Variants in PKIB observed in about 807,000 individuals in gnomAD.
PKIB encodes the protein PKI-beta.
A neutral mutation model predicts 4.5 loss-of-function variants in PKIB; 2 were observed. The observed-to-expected ratio is 0.44, with a 90% CI of 0.18 to 1.39. The LOEUF (loss-of-function observed/expected upper bound fraction) is 1.39. PKIB is among the 40% of genes most tolerant of loss of function. The pLI is 0.27. For missense variants in PKIB, 94 were observed against 92.6 expected (o/e 1.02, Z -0.06); for synonymous variants, 38 against 36.0 (o/e 1.06, Z -0.20).
intron 2 of PKIB, among the ~76,000 whole-genome samples, chr6:122,512,795 A>C (rs1311443032): frequency 6.6e-6 from 1 of 152,250 alleles, no homozygotes; most frequent in African/African-American, 2.4e-5. Flanking sequence ...TTAAAGGAAA[A>C]TTAGACATGT....
chr6:122,694,807 G>A (rs1165245610), intron 3 of PKIB, among the ~76,000 whole-genome samples: 2 of 152,170 alleles, frequency 1.3e-5, no homozygotes, highest in Admixed American at 1.3e-4. Context: ...AGGATATTCA[G>A]GTCGAGGTGT....
At chr6:122,693,126 T>A (rs111515288) in intron 3 of PKIB, among the ~76,000 whole-genome samples, 110 of 152,294 alleles carry the variant, frequency 7.2e-4, no homozygotes, top group African/African-American at 2.6e-3. Context: ...CTTCTGAAAA[T>A]GTAGAACATT....
chr6:122,648,398 A>C (rs1268576293), intron 2 of PKIB, among the ~76,000 whole-genome samples: 1 of 152,226 alleles, frequency 6.6e-6, no homozygotes, highest in African/African-American at 2.4e-5. Flanking sequence ...ATTTAGATTT[A>C]GAACATATAC....
rs1190686318 is a variant in PKIB at position 122,687,545 on chromosome 6, T to A, written c.-9+12401T>A. On this transcript the variant is annotated intron_variant, in intron 3 of 4. Coordinates refer to ENST00000368452, the MANE Select transcript of PKIB (RefSeq NM_181795.3). ...TTTCATAGGGACTGTATTTAATCTG[T>A]AGATTGCTTTGGGTAATATGGACGT... Among the ~76,000 whole-genome samples, 3 of 152,186 alleles carry A rather than the reference T, an allele frequency of 2.0e-5. 1 individual carries two copies. Among genetic ancestry groups the A allele is most frequent in the African/African-American group, 7.2e-5 (3 of 41,464 alleles).
At chr6:122,625,881 C>A (rs1775422317) in intron 1 of PKIB, among the ~76,000 whole-genome samples, 1 of 152,074 alleles carries the variant, frequency 6.6e-6, no homozygotes, top group African/African-American at 2.4e-5. Flanking sequence ...CCAGCCTGGG[C>A]AACATGGACA....
intron 2 of PKIB, among the ~76,000 whole-genome samples, chr6:122,502,662 T>A (rs1458310321): frequency 6.6e-6 from 1 of 152,180 alleles, no homozygotes; most frequent in Non-Finnish European, 1.5e-5. Context: ...CTGTGGGGAT[T>A]ACAATTCCAC....
chr6:122,652,567 A>T (rs1014348355), intron 2 of PKIB, among the ~76,000 whole-genome samples: 1 of 152,152 alleles, frequency 6.6e-6, no homozygotes, highest in African/African-American at 2.4e-5. Flanking sequence ...TAGATGTTAC[A>T]TATATCTACA....
intron 2 of PKIB, among the ~76,000 whole-genome samples, chr6:122,660,500 G>A (rs896874094): frequency 1.4e-4 from 22 of 152,214 alleles, no homozygotes; most frequent in African/African-American, 4.1e-4. Flanking sequence ...ATACGGTCAC[G>A]TTCTCCATGC....
At chr6:122,667,276 C>T (rs949911675) in intron 2 of PKIB, among the ~76,000 whole-genome samples, 4 of 152,100 alleles carry the variant, frequency 2.6e-5, no homozygotes, top group African/African-American at 4.8e-5. Context: ...TGTTGTAAGT[C>T]GGCCAGGCGC....
At chr6:122,485,267 A>G (rs1019716005) in intron 2 of PKIB, among the ~76,000 whole-genome samples, 51 of 152,156 alleles carry the variant, frequency 3.4e-4, no homozygotes, top group African/African-American at 1.1e-3. Context: ...TACTGAGAAT[A>G]AAATGAGACA....
chr6:122,520,509 T>C (rs900604569), intron 2 of PKIB, among the ~76,000 whole-genome samples: 1 of 152,146 alleles, frequency 6.6e-6, no homozygotes. Context: ...TGGTATAAAA[T>C]TGAGATAATT....
intron 2 of PKIB, among the ~76,000 whole-genome samples, chr6:122,577,739 CT>C (rs1737260947): frequency 6.6e-6 from 1 of 151,818 alleles, no homozygotes; most frequent in African/African-American, 2.4e-5. Context: ...GAAACCCCGT[CT>C]CTACTAAAAA....
At chr6:122,485,137 G>T (rs1298315637) in intron 2 of PKIB, among the ~76,000 whole-genome samples, 1 of 152,014 alleles carries the variant, frequency 6.6e-6, no homozygotes, top group Non-Finnish European at 1.5e-5. Context: ...TGCCTGATTT[G>T]TGAATCGTGC....
chr6:122,691,073 A>G (rs1434547893), intron 3 of PKIB, among the ~76,000 whole-genome samples: 1 of 151,084 alleles, frequency 6.6e-6, no homozygotes, highest in South Asian at 2.1e-4. Flanking sequence ...GTGCTCCATT[A>G]TATGTTATTT....
chr6:122,702,270 A>G (rs898766004), intron 3 of PKIB, among the ~76,000 whole-genome samples: 1 of 151,712 alleles, frequency 6.6e-6, no homozygotes, highest in Non-Finnish European at 1.5e-5. Context: ...AGAGCTAGGT[A>G]GAGGAAAACA....
At chr6:122,510,542 G>A (rs1467784228) in intron 2 of PKIB, among the ~76,000 whole-genome samples, 1 of 152,118 alleles carries the variant, frequency 6.6e-6, no homozygotes, top group Non-Finnish European at 1.5e-5. Flanking sequence ...CCAGTCTTTA[G>A]GGATCATGAT....
At chr6:122,606,785 A>G (rs1179427029), upstream of PKIB, among the ~76,000 whole-genome samples, 1 of 152,068 alleles carries the variant, frequency 6.6e-6, no homozygotes, top group Non-Finnish European at 1.5e-5. Flanking sequence ...ATGGAGTATG[A>G]TGATGGTAAC....
chr6:122,697,713 T>C (rs2115017477), intron 3 of PKIB, among the ~76,000 whole-genome samples: 1 of 152,292 alleles, frequency 6.6e-6, no homozygotes. Flanking sequence ...TTAAAGTAGC[T>C]GCCTGGGGCT....
intron 3 of PKIB, among the ~76,000 whole-genome samples, chr6:122,694,681 A>T (rs9320887): frequency 0.48 from 72,979 of 151,998 alleles, 18,285 homozygotes; most frequent in Non-Finnish European, 0.56. Flanking sequence ...TATGATTATG[A>T]TGGCAAAGCT....
Sources: allele counts gnomAD v4.1 joint callset (sites outside exome capture counted in the v4.1 genomes callset), GRCh38; gene constraint gnomAD v4.1.1; transcripts MANE v1.5; gene names NCBI Gene and HGNC (gene_info 2026-07-23, HGNC 2026-07-21).